The following RAB11FIP4 variants were observed in gnomAD, a reference collection of about 807,000 sequenced individuals.
The protein encoded by RAB11FIP4 is RAB11 family interacting protein 4.
In RAB11FIP4, 23 loss-of-function variants were observed where a neutral mutation model predicts 74.3. The ratio of observed to expected loss-of-function variants is 0.31; its 90% CI spans 0.22 to 0.44. The LOEUF is 0.44. Among genes scored for constraint, RAB11FIP4 ranks in the 20% least tolerant of loss-of-function variants. The probability of loss-of-function intolerance (pLI) is 1.00; values close to 1 mark genes in which losing one functional copy is unlikely to be tolerated. For missense variants in RAB11FIP4, 630 were observed against 863.9 expected (o/e 0.73, Z 3.39); for synonymous variants, 360 against 359.9 (o/e 1.00, Z 0.00).
At chr17:31,424,049 G>A (rs779213557) in intron 1 of RAB11FIP4, among the ~76,000 whole-genome samples, 1 of 152,094 alleles carries the variant, frequency 6.6e-6, no homozygotes, top group Non-Finnish European at 1.5e-5. Flanking sequence ...CCCTTTCCCG[G>A]CTTCTCATCA....
chr17:31,407,721 C>T (rs556756657), intron 1 of RAB11FIP4, among the ~76,000 whole-genome samples: 1 of 152,264 alleles, frequency 6.6e-6, no homozygotes, highest in Admixed American at 6.5e-5. Context: ...CAGAGCATCT[C>T]ATGAGGGGCC....
At chr17:31,457,487 T>C (rs2071589669) in intron 3 of RAB11FIP4, among the ~76,000 whole-genome samples, 1 of 151,976 alleles carries the variant, frequency 6.6e-6, no homozygotes, top group Non-Finnish European at 1.5e-5. Flanking sequence ...ATCCATTCCC[T>C]CTCTCACCCC....
chr17:31,453,381 C>G (rs4039050), intron 3 of RAB11FIP4, among the ~76,000 whole-genome samples: 12,065 of 85,874 alleles, frequency 0.14, 691 homozygotes, highest in Middle Eastern at 0.23. Context: ...AAAAAAAAAA[C>G]AAACCTGGGG....
chr17:31,429,370 A>T (rs1385936187), intron 1 of RAB11FIP4, among the ~76,000 whole-genome samples: 1 of 152,220 alleles, frequency 6.6e-6, no homozygotes, highest in Non-Finnish European at 1.5e-5. Context: ...ATATCCCAAT[A>T]GACTTGGGTG....
intron 1 of RAB11FIP4, among the ~76,000 whole-genome samples, chr17:31,406,838 T>C (rs895689759): frequency 6.6e-6 from 1 of 152,190 alleles, no homozygotes; most frequent in Non-Finnish European, 1.5e-5. Context: ...ATCTTATTGC[T>C]CAAAAGTTTT....
chr17:31,410,953 G>T (rs1294576248), intron 1 of RAB11FIP4, among the ~76,000 whole-genome samples: 3 of 152,160 alleles, frequency 2.0e-5, no homozygotes, highest in Admixed American at 6.5e-5. Context: ...CTGGTGAACA[G>T]GCTCTGCAGA....
chr17:31,475,799 GTTTT>G (rs11451772), intron 3 of RAB11FIP4, among the ~76,000 whole-genome samples: 1 of 142,128 alleles, frequency 7.0e-6, no homozygotes. Context: ...TTTTTGTGTG[GTTTT>G]TTTTTTTTTT....
At chr17:31,509,244 C>T (rs1343596300) in intron 3 of RAB11FIP4, 3 of 150,062 alleles carry the variant, frequency 2.0e-5, no homozygotes, top group African/African-American at 7.4e-5. Flanking sequence ...TGATTTATTA[C>T]CTCCCTCTGG....
intron 3 of RAB11FIP4, among the ~76,000 whole-genome samples, chr17:31,504,413 C>T (rs1174501002): frequency 6.6e-6 from 1 of 151,714 alleles, no homozygotes; most frequent in Non-Finnish European, 1.5e-5. Context: ...TTACAGGTGC[C>T]CGCCACCACG....
At position 31,391,793 on chromosome 17, in the gene RAB11FIP4, G is replaced by A. The variant is rs2070873223; in HGVS notation, c.-60G>A. The A allele has an allele frequency of 1.0e-6, 1 of 974,678 alleles. No homozygotes were observed. The highest frequency in any genetic ancestry group is 1.2e-6 in the Non-Finnish European group (1 of 822,722). 60.4% of individuals were successfully genotyped at this position (974,678 alleles called of 1,614,324 possible). On this transcript the variant is annotated 5_prime_UTR_variant, in exon 1 of 15. Transcript: ENST00000621161. ...CCGGAGGGCGCGCGGCGATGGCGGC[G>A]GCGGGCAGGCGGCGGGCGCGGCGGG...
chr17:31,506,201 A>T (rs1292670720), intron 3 of RAB11FIP4, among the ~76,000 whole-genome samples: 1 of 152,156 alleles, frequency 6.6e-6, no homozygotes, highest in Non-Finnish European at 1.5e-5. Flanking sequence ...TTATTTACTC[A>T]GTTTTCTTTA....
chr17:31,493,161 G>C (rs985989113), intron 3 of RAB11FIP4, among the ~76,000 whole-genome samples: 45 of 152,226 alleles, frequency 3.0e-4, no homozygotes, highest in African/African-American at 1.1e-3. Context: ...TTTTCCAACT[G>C]TTGGTCACAT....
At chr17:31,528,805 T>G (rs1447654731) in intron 13 of RAB11FIP4, 27 bp downstream of exon 13, 31 of 1,588,930 alleles carry the variant, frequency 2.0e-5, no homozygotes, top group Non-Finnish European at 2.7e-5. Flanking sequence ...CTGTGTCCAG[T>G]GGGGCAGGGT....
intron 5 of RAB11FIP4, 106 bp from the exon 6 acceptor site, chr17:31,521,809 A>G: frequency 7.7e-7 from 1 of 1,302,150 alleles, no homozygotes; most frequent in Non-Finnish European, 1.1e-6. Flanking sequence ...CCCCGTAACA[A>G]GGTTCAAAGG....
At chr17:31,428,251 C>A (rs557604026) in intron 1 of RAB11FIP4, among the ~76,000 whole-genome samples, 1 of 152,358 alleles carries the variant, frequency 6.6e-6, no homozygotes, top group East Asian at 1.9e-4. Context: ...GGGCTTCAGA[C>A]CCCTGCTGCA....
intron 10 of RAB11FIP4, chr17:31,527,514 T>C: frequency 4.0e-6 from 1 of 248,530 alleles, no homozygotes. Context: ...GGCACGAGAA[T>C]TGCTGAAGGA....
rs186796737 is a variant in RAB11FIP4, at chr17:31,447,007, G to A, written c.336+12885G>A. ...ATCTATTAATACAAAAAAGACAGGC[G>A]GGTGCCGTGGCTCTCGCCTGTAATC... On this transcript the variant is annotated intron_variant, in intron 3 of 14. Transcript: ENST00000621161. Among the ~76,000 whole-genome samples, 99 of 152,078 alleles carry A rather than the reference G, an allele frequency of 6.5e-4. 1 individual carries two copies. The highest frequency in any genetic ancestry group is 2.3e-3 in the African/African-American group (94 of 41,568).
At chr17:31,498,099 A>C (rs1183343264) in intron 3 of RAB11FIP4, among the ~76,000 whole-genome samples, 2 of 152,118 alleles carry the variant, frequency 1.3e-5, no homozygotes, top group African/African-American at 4.8e-5. Context: ...AGCTGCTCTC[A>C]GGAGCTGGGC....
intron 3 of RAB11FIP4, among the ~76,000 whole-genome samples, chr17:31,467,095 A>C (rs921692450): frequency 3.4e-5 from 4 of 117,194 alleles, no homozygotes; most frequent in Non-Finnish European, 3.8e-5. Flanking sequence ...GCTCCTGAGT[A>C]TTTCTTTCTT....
Sources: gnomAD v4.1 joint callset for allele counts (sites outside exome capture counted in the v4.1 genomes callset) on GRCh38, gnomAD v4.1.1 for gene constraint, MANE v1.5 for transcripts, NCBI Gene and HGNC (gene_info 2026-07-23, HGNC 2026-07-21) for gene names.